The following CPAMD8 variants were observed in gnomAD, a reference collection of about 807,000 sequenced individuals.
CPAMD8 encodes the protein C3 and PZP like alpha-2-macroglobulin domain containing 8.
In CPAMD8, 146 loss-of-function variants were observed where a neutral mutation model predicts 224.7. That is an observed-to-expected ratio of 0.65 (90% confidence interval 0.57 to 0.75). The LOEUF (loss-of-function observed/expected upper bound fraction) is 0.75. CPAMD8 is among the 30% of genes least tolerant of loss of function. The pLI, the probability that CPAMD8 is intolerant of heterozygous loss-of-function variation, is 0.00. For missense variants in CPAMD8, 2,301 were observed against 2,537.5 expected (o/e 0.91, Z 2.00); for synonymous variants, 966 against 1,044.6 (o/e 0.92, Z 1.45).
chr19:16,942,790 T>C (rs1276461589), intron 22 of CPAMD8, among the ~76,000 whole-genome samples: 1 of 152,184 alleles, frequency 6.6e-6, no homozygotes, highest in Non-Finnish European at 1.5e-5. Context: ...CCAACCTCCT[T>C]TGTCTCTGTG....
At chr19:17,005,670 C>G (rs947254367) in intron 7 of CPAMD8, among the ~76,000 whole-genome samples, 5 of 152,132 alleles carry the variant, frequency 3.3e-5, no homozygotes, top group African/African-American at 1.2e-4. Flanking sequence ...GAGGGCCATA[C>G]AGGGAAGGGA....
At chr19:16,910,799 AAGAGACGAGAAGGGGAGAAGAC>A (rs2052698157) in intron 29 of CPAMD8, 1 of 152,280 alleles carries the variant, frequency 6.6e-6, no homozygotes, top group South Asian at 2.1e-4. Context: ...AGTGTTGTTT[AAGAGACGAGAAGGGGAGAAGAC>A]AGAGGAGAAG....
intron 30 of CPAMD8, among the ~76,000 whole-genome samples, chr19:16,906,362 CTTTCTTTCTTTCTTTCTTTCTTTCTTTCT>C (rs2052489535): frequency 2.1e-5 from 1 of 48,494 alleles, no homozygotes; most frequent in Non-Finnish European, 4.4e-5. Context: ...TTCTTTCTTT[CTTTCTTTCTTTCTTTCTTTCTTTCTTTCT>C]TTCTTTCTTT....
At chr19:16,907,917 T>G (rs897891015) in intron 29 of CPAMD8, among the ~76,000 whole-genome samples, 1 of 151,946 alleles carries the variant, frequency 6.6e-6, no homozygotes, top group African/African-American at 2.4e-5. Context: ...CCCATTACCA[T>G]TCTTGTAAGT....
rs1055326095 is a variant in CPAMD8, at chr19:16,899,631, A to G, written c.4774-82T>C. The G allele has an allele frequency of 1.3e-6, 1 of 769,318 alleles. No homozygotes were observed. The highest frequency in any genetic ancestry group is 2.4e-6 in the Non-Finnish European group (1 of 423,832). The allele number at this position is 769,318 out of a possible 1,614,324, so 47.7% of individuals were successfully genotyped here. ...TCCCCTGGGGGCAGTGGTCAGTGGG[A>G]TGCTTGGACTTGCCCACAAGTTACC... On this transcript the variant is annotated intron_variant, in intron 36 of 41. Coordinates refer to ENST00000443236, the MANE Select transcript of CPAMD8 (RefSeq NM_015692.5). This position sits in a 1 kb window ranked among gnomAD's most constrained non-coding sequence, Gnocchi z 5.4.
chr19:16,904,176 A>AGCCCCCCCCCCCCCCCCC, intron 32 of CPAMD8, 50 bp downstream of exon 32: 2 of 937,340 alleles, frequency 2.1e-6, no homozygotes, highest in African/African-American at 1.6e-5. Context: ...GACTGCAGGG[A>AGCCCCCCCCCCCCCCCCC]CCCCACCCAC....
At position 16,928,033 on chromosome 19, in the gene CPAMD8, C is replaced by T; in HGVS notation, c.3346G>A (p.Glu1116Lys). 6.2e-7 allele frequency: 1 copy of T among 1,613,476 alleles called. No homozygotes were observed. The highest frequency in any genetic ancestry group is 2.2e-5 in the East Asian group (1 of 44,886). The change falls in exon 25 of 42, where the codon GAG becomes AAG. Residue 1116 changes from glutamate (E) to lysine (K), a missense_variant. By Grantham distance (56) the Glu-to-Lys change is moderately conservative. Around this residue, in one of 4 missense-constraint regions of CPAMD8, gnomAD observed 1,709 missense variants for 1,753.2 expected, o/e 0.97. Transcript: ENST00000443236. The stretch of plus-strand genomic sequence containing the variant: ...CCGATGATGGAGGCGGTGGCTCGCT[C>T]AGACCCAGGGATGGCGCCGTGTGGG... ...GVPHGAIPGS[E>K]RATASIIGDV...
intron 26 of CPAMD8, among the ~76,000 whole-genome samples, chr19:16,923,194 C>A (rs961308799): frequency 2.0e-5 from 3 of 152,206 alleles, no homozygotes; most frequent in African/African-American, 4.8e-5. Flanking sequence ...GGTTTTCCTG[C>A]AAGGGCATAG....
rs114850578 is a variant in CPAMD8, at chr19:16,928,213, A to C, written c.3166T>G (p.Ser1056Ala). 6.4e-3 allele frequency: 10,352 copies of C among 1,613,916 alleles called. 156 individuals are homozygous for C. Among genetic ancestry groups the C allele is most frequent in the Middle Eastern group, 0.051 (309 of 6,062 alleles). The change falls in exon 25 of 42, where the codon TCC (serine) becomes GCC (alanine). Residue 1056 changes from serine (S) to alanine (A), a missense_variant. By Grantham distance (99) the Ser-to-Ala change is moderately conservative. This residue lies in a region of CPAMD8 where 1,709 missense variants were observed against 1,753.2 expected (regional missense o/e 0.97). Transcript: ENST00000443236. ...LIQVGHGPEP[S>A]NESVIVAWTL... ...CAGGCCACAATGACAGACTCATTGG[A>C]TGGCTCTGGACCATGGCCAACCTGG...
chr19:16,906,973 G>A lies in CPAMD8; in HGVS notation c.4006C>T (p.Arg1336Cys), dbSNP rs752813564. 1.2e-5 allele frequency: 19 copies of A among 1,593,858 alleles called. No homozygotes were observed. Among genetic ancestry groups the A allele is most frequent in the South Asian group, 2.3e-5 (2 of 87,218 alleles). The change falls in exon 30 of 42, where the codon CGT becomes TGT. Residue 1336 changes from arginine to cysteine, a missense_variant. This residue lies in a region of CPAMD8 where 1,709 missense variants were observed against 1,753.2 expected (regional missense o/e 0.97). Coordinates refer to ENST00000443236, the MANE Select transcript of CPAMD8 (RefSeq NM_015692.5). Reference sequence around the variant, plus strand: ...CTACCTCGCATGATGGCCAGGCTACGGAGCTTGCGCAGTGCCTCAGGGGCT... The same window carrying A: ...CTACCTCGCATGATGGCCAGGCTACAGAGCTTGCGCAGTGCCTCAGGGGCT... ...PAAPEALRKLRSLAIMRDGVT... is the reference protein window; with the variant it reads ...PAAPEALRKLCSLAIMRDGVT...
intron 23 of CPAMD8, among the ~76,000 whole-genome samples, chr19:16,934,663 C>A (rs2053635097): frequency 6.6e-6 from 1 of 152,020 alleles, no homozygotes; most frequent in South Asian, 2.1e-4. Context: ...AATAATCAAC[C>A]CTATGAAAGC....
At chr19:16,953,402 A>G (rs1203791032) in intron 19 of CPAMD8, among the ~76,000 whole-genome samples, 1 of 152,048 alleles carries the variant, frequency 6.6e-6, no homozygotes, top group Non-Finnish European at 1.5e-5. Context: ...TTTGAGCATC[A>G]AAAGACACTA....
chr19:16,976,714 T>C (rs2055287022), intron 15 of CPAMD8, among the ~76,000 whole-genome samples: 1 of 151,686 alleles, frequency 6.6e-6, no homozygotes, highest in Non-Finnish European at 1.5e-5. Context: ...GGAAGGCAGG[T>C]GCTGGCGGAG....
chr19:17,014,926 A>G (rs544461957), intron 3 of CPAMD8, among the ~76,000 whole-genome samples: 55 of 152,294 alleles, frequency 3.6e-4, no homozygotes, highest in African/African-American at 1.3e-3. Flanking sequence ...CTGGGGAGCT[A>G]TGTGCACCCA....
intron 26 of CPAMD8, among the ~76,000 whole-genome samples, chr19:16,923,482 G>A (rs542171738): frequency 1.3e-5 from 2 of 152,300 alleles, no homozygotes; most frequent in East Asian, 3.9e-4. Context: ...CACAGAGACA[G>A]GACCGGTGAC....
chr19:16,987,179 A>AAAAATATAT (rs1555784836), intron 13 of CPAMD8, among the ~76,000 whole-genome samples: 10 of 53,918 alleles, frequency 1.9e-4, no homozygotes, highest in Admixed American at 6.3e-4. Context: ...AAAAAAAAAA[A>AAAAATATAT]ATATATATAT....
At position 16,980,687 on chromosome 19, in the gene CPAMD8, C is replaced by T; in HGVS notation, c.1396-1G>A. 1 of 1,526,976 alleles carries T rather than the reference C, an allele frequency of 6.5e-7. No homozygotes were observed. The allele number at this position is 1,526,976 out of a possible 1,614,324, so 94.6% of individuals were successfully genotyped here. On this transcript the variant is annotated splice_acceptor_variant, in intron 13 of 41. Transcript: ENST00000443236. LOFTEE classifies it high-confidence loss of function. The stretch of plus-strand genomic sequence containing the variant: ...CAGAAAAATAGGCTTCTTCCCCAAC[C>T]TATGGAAGACACGCAGCATGGGGGG...
chr19:16,985,496 G>A (rs963699199), intron 13 of CPAMD8, among the ~76,000 whole-genome samples: 1 of 150,224 alleles, frequency 6.7e-6, no homozygotes, highest in African/African-American at 2.5e-5. Context: ...AAGGGCAGAC[G>A]GAAGGATGGA....
chr19:16,906,300 CCTCT>C (rs201527602), intron 30 of CPAMD8, among the ~76,000 whole-genome samples: 3,108 of 149,054 alleles, frequency 0.021, 147 homozygotes, highest in African/African-American at 0.073. Context: ...TCCCTCCCTC[CCTCT>C]CTCTCTTCTC....
Sources: allele counts gnomAD v4.1 joint callset (sites outside exome capture counted in the v4.1 genomes callset), GRCh38; gene constraint gnomAD v4.1.1; regional missense constraint gnomAD v4.1.1; non-coding constraint Gnocchi (gnomAD v3.1); transcripts MANE v1.5; gene names NCBI Gene and HGNC (gene_info 2026-07-23, HGNC 2026-07-21).